Variants in VPS36 observed in about 807,000 individuals in gnomAD.
VPS36 encodes the protein vacuolar protein sorting 36 homolog, also known as vacuolar protein-sorting-associated protein 36.
In VPS36, 31 loss-of-function variants were observed where a neutral mutation model predicts 63.5. The ratio of observed to expected loss-of-function variants is 0.49; its 90% confidence interval spans 0.37 to 0.66. The LOEUF (loss-of-function observed/expected upper bound fraction) is 0.66, where lower values mean the gene tolerates loss of function less well. VPS36 is among the 30% of genes least tolerant of loss of function. The pLI is 0.00. For synonymous variants in VPS36, 138 were observed against 157.2 expected (o/e 0.88, Z 0.91); for missense variants, 338 against 463.7 (o/e 0.73, Z 2.49).
In VPS36 at chr13:52,429,988, G is replaced by A. The variant is rs76197286; in HGVS notation, c.529-2769C>T. 6.6e-3 allele frequency among the ~76,000 whole-genome samples: 1,005 copies of A among 152,058 alleles called. 14 individuals are homozygous for A. The highest frequency in any genetic ancestry group is 0.022 in the African/African-American group (928 of 41,470). ...GATGGTGCCTTCTTCAATTACGGGA[G>A]GGTCCACTATTAACCTTTTATTTCA... On this transcript the variant is annotated intron_variant, in intron 6 of 13. Coordinates refer to ENST00000378060, the MANE Select transcript of VPS36 (RefSeq NM_016075.4).
rs1290804690 is a variant in VPS36, at chr13:52,415,209, A to G, written c.*621T>C. 2 of 152,278 alleles carry G rather than the reference A, an allele frequency of 1.3e-5. No homozygotes were observed. The highest frequency in any genetic ancestry group is 4.8e-5 in the African/African-American group (2 of 41,470). The allele number at this position is 152,278 out of a possible 1,614,324, so 9.4% of individuals were successfully genotyped here. A position where few individuals can be genotyped will look rare whatever the true frequency, so the allele number is the denominator to read the frequency against. On this transcript the variant is annotated 3_prime_UTR_variant, in exon 14 of 14. Transcript: ENST00000378060. ...AAAATCCACAGCATTTGGAAACAAA[A>G]TGACACAGTTGCATTCTTTAAATGC...
In VPS36 at chr13:52,433,698, T is replaced by G; in HGVS notation, c.492A>C (p.Glu164Asp). ...TTTTGTCAGTTTCTTTTCTTTTTTC[T>G]TCCAGTTTCCTTTCAATACCTACAA... ...VGIVGIERKL[E>D]EKRKETDKNI... The change falls in exon 6 of 14, where the codon GAA (glutamate) becomes GAC (aspartate). Residue 164 changes from glutamate to aspartate, a missense_variant. Physicochemically the swap from Glu to Asp is conservative, Grantham distance 45 (BLOSUM62 2). Transcript: ENST00000378060. 3 of 1,613,598 alleles carry G rather than the reference T, an allele frequency of 1.9e-6. No individual in the cohort carries two copies. Among genetic ancestry groups the G allele is most frequent in the Non-Finnish European group, 2.5e-6 (3 of 1,179,820 alleles).
At chr13:52,441,582 C>A (rs1378319752) in intron 2 of VPS36, among the ~76,000 whole-genome samples, 1 of 152,150 alleles carries the variant, frequency 6.6e-6, no homozygotes, top group African/African-American at 2.4e-5. Context: ...TAAACCCCGT[C>A]TCTACTAAAA....
chr13:52,439,119 T>C lies in VPS36; in HGVS notation c.215A>G (p.Gln72Arg), dbSNP rs768575745. ...LLSQIVFIEE[Q>R]AAGIGKSAKI... ...TTACCTCTTCCCAATTCCAGCCGCC[T>C]GTTCTTCAATGAACACAATTTGGGA... Residue 72 changes from glutamine (Q) to arginine (R), a missense_variant, in exon 3 of 14, where the codon CAG becomes CGG. Coordinates refer to ENST00000378060, the MANE Select transcript of VPS36 (RefSeq NM_016075.4). The C allele has an allele frequency of 4.3e-6, 7 of 1,613,918 alleles. No homozygotes were observed. Among genetic ancestry groups the C allele is most frequent in the Non-Finnish European group, 5.9e-6 (7 of 1,179,932 alleles).
At chr13:52,440,370 C>T (rs1164520550) in intron 2 of VPS36, among the ~76,000 whole-genome samples, 2 of 151,974 alleles carry the variant, frequency 1.3e-5, no homozygotes, top group Non-Finnish European at 2.9e-5. Flanking sequence ...CTTGGCTCAT[C>T]ACAACCTCTG....
At chr13:52,437,129 C>G (rs973257569) in intron 3 of VPS36, among the ~76,000 whole-genome samples, 1 of 151,894 alleles carries the variant, frequency 6.6e-6, no homozygotes, top group African/African-American at 2.4e-5. Context: ...CAAAGTATCC[C>G]GGGTACCTAG....
In VPS36 at chr13:52,413,921, TG is replaced by T. The variant is rs1256011208; in HGVS notation, c.*1908del. On this transcript the variant is annotated 3_prime_UTR_variant, in exon 14 of 14. Transcript: ENST00000378060. Reference sequence around the variant, plus strand: ...AATCATACTCATTTTTAAATTAATGTGACATTTGCAAAATATATTTATATAT... The same window carrying T: ...AATCATACTCATTTTTAAATTAATGTACATTTGCAAAATATATTTATATAT... 2.0e-5 allele frequency: 3 copies of T among 152,252 alleles called. No homozygotes were observed. The highest frequency in any genetic ancestry group is 4.4e-5 in the Non-Finnish European group (3 of 68,042). The allele number at this position is 152,252 out of a possible 1,614,324, so 9.4% of individuals were successfully genotyped here. A position where few individuals can be genotyped will look rare whatever the true frequency, so the allele number is the denominator to read the frequency against.
At chr13:52,441,132 G>A (rs1431289099) in intron 2 of VPS36, among the ~76,000 whole-genome samples, 1 of 152,142 alleles carries the variant, frequency 6.6e-6, no homozygotes, top group African/African-American at 2.4e-5. Context: ...ACTGGGGGTT[G>A]GGGGGTTGGG....
chr13:52,434,656 C>T (rs1231239351), intron 5 of VPS36, 137 bp downstream of exon 5: 8 of 908,402 alleles, frequency 8.8e-6, no homozygotes, highest in Middle Eastern at 3.5e-4. Context: ...CCGCGCCCTA[C>T]CGAAAATAAA....
Position 52,415,677 on chromosome 13 carries a change from G to T in VPS36, c.*153C>A. On this transcript the variant is annotated 3_prime_UTR_variant, in exon 14 of 14. Transcript: ENST00000378060. ...ATGCGTATACTAAATAAATTTCCTG[G>T]ACCATATTTAGTGAGAAATTAAAAG... 1 of 763,388 alleles carries T rather than the reference G, an allele frequency of 1.3e-6. No individual in the cohort carries two copies. 47.3% of individuals were successfully genotyped at this position (763,388 alleles called of 1,614,324 possible).
In VPS36 at chr13:52,425,966, T is replaced by C; in HGVS notation, c.740A>G (p.Lys247Arg). 1 of 1,614,056 alleles carries C rather than the reference T, an allele frequency of 6.2e-7. No homozygotes were observed. The highest frequency in any genetic ancestry group is 8.5e-7 in the Non-Finnish European group (1 of 1,179,942). ...SGTQYHMQLA[K>R]QLAGILQVPL... ...CACCTGCAATATTCCAGCCAGTTGT[T>C]TGGCCAGCTGCATGTGGTACTGTGT... The change falls in exon 9 of 14, where the codon AAA becomes AGA. Residue 247 changes from lysine to arginine, a missense_variant. Physicochemically the swap from Lys to Arg is conservative, Grantham distance 26. Coordinates refer to ENST00000378060, the MANE Select transcript of VPS36 (RefSeq NM_016075.4).
intron 1 of VPS36, among the ~76,000 whole-genome samples, chr13:52,444,786 T>C (rs1958321203): frequency 6.6e-6 from 1 of 151,834 alleles, no homozygotes; most frequent in African/African-American, 2.4e-5. Flanking sequence ...TTATTTCAAG[T>C]TCCTCCTTTG....
At chr13:52,422,691 AG>A (rs1368144001) in intron 10 of VPS36, among the ~76,000 whole-genome samples, 3 of 152,226 alleles carry the variant, frequency 2.0e-5, no homozygotes, top group Non-Finnish European at 4.4e-5. Flanking sequence ...TAAGGATAAT[AG>A]CTTCCAGCTC....
intron 2 of VPS36, among the ~76,000 whole-genome samples, chr13:52,439,736 G>C (rs1209404790): frequency 6.6e-6 from 1 of 151,914 alleles, no homozygotes; most frequent in African/African-American, 2.4e-5. Context: ...GTGAGCCACC[G>C]CACCCAGCCA....
chr13:52,437,138 A>G (rs573190771), intron 3 of VPS36, among the ~76,000 whole-genome samples: 1 of 151,970 alleles, frequency 6.6e-6, no homozygotes, highest in South Asian at 2.1e-4. Flanking sequence ...CCGGGTACCT[A>G]GTTTAGTGCT....
intron 10 of VPS36, among the ~76,000 whole-genome samples, chr13:52,418,312 C>T (rs1958012565): frequency 6.6e-6 from 1 of 151,930 alleles, no homozygotes; most frequent in Admixed American, 6.6e-5. Context: ...CACAGTGGCT[C>T]ACACCTGTAA....
At chr13:52,447,941 CTG>C (rs1958362017) in intron 1 of VPS36, among the ~76,000 whole-genome samples, 1 of 152,180 alleles carries the variant, frequency 6.6e-6, no homozygotes, top group Non-Finnish European at 1.5e-5. Context: ...AGGCAAGTCA[CTG>C]TATCTCTTGG....
chr13:52,450,553 G>A lies in VPS36; in HGVS notation c.42C>T (p.Asn14=). 6.3e-7 allele frequency: 1 copy of A among 1,594,836 alleles called. No individual in the cohort carries two copies. Among genetic ancestry groups the A allele is most frequent in the Non-Finnish European group, 8.5e-7 (1 of 1,170,948 alleles). The part of the protein sequence containing the change: ...FVWTSGLLEI[N]ETLVIQQRGV... ...CGCGCTGCTGGATCACCAGGGTCTC[G>A]TTGATCTCCAGGAGGCCGCTGGTCC... The change falls in exon 1 of 14, where the codon AAC becomes AAT. Residue 14 remains asparagine, a synonymous_variant. Transcript: ENST00000378060.
intron 9 of VPS36, among the ~76,000 whole-genome samples, chr13:52,424,713 C>T (rs1958080379): frequency 6.6e-6 from 1 of 152,194 alleles, no homozygotes; most frequent in Non-Finnish European, 1.5e-5. Context: ...TAGGCCGGCA[C>T]GGTGGCTCAC....
Sources: gnomAD v4.1 joint callset for allele counts (sites outside exome capture counted in the v4.1 genomes callset) on GRCh38, gnomAD v4.1.1 for gene constraint, MANE v1.5 for transcripts, NCBI Gene and HGNC (gene_info 2026-07-23, HGNC 2026-07-21) for gene names.